The following IL6ST variants were observed in gnomAD, a reference collection of about 807,000 sequenced individuals.
The protein encoded by IL6ST is interleukin-6 receptor subunit beta.
A neutral mutation model predicts 91.3 loss-of-function variants in IL6ST; 24 were observed. The ratio of observed to expected loss-of-function variants is 0.26; its 90% CI spans 0.19 to 0.37. The LOEUF (loss-of-function observed/expected upper bound fraction) is 0.37, where lower values mean the gene tolerates loss of function less well. Ranked by LOEUF, IL6ST falls within the 10% of genes least tolerant of loss-of-function variation. The pLI, the probability that IL6ST is intolerant of heterozygous loss-of-function variation, is 1.00. For synonymous variants in IL6ST, 351 were observed against 373.6 expected, an observed-to-expected ratio of 0.94 and a Z score of 0.70; for missense variants, 914 against 1,078.5, an observed-to-expected ratio of 0.85 and a Z score of 2.14.
intron 8 of IL6ST, among the ~76,000 whole-genome samples, chr5:55,959,850 T>C (rs780864826): frequency 2.6e-5 from 4 of 152,086 alleles, no homozygotes; most frequent in Non-Finnish European, 5.9e-5. Flanking sequence ...CAGTTAACGG[T>C]TTTCTGATAG....
intron 8 of IL6ST, among the ~76,000 whole-genome samples, chr5:55,958,269 T>C (rs1386740077): frequency 6.6e-6 from 1 of 152,156 alleles, no homozygotes; most frequent in African/African-American, 2.4e-5. Context: ...AGCCAAAACA[T>C]AAATTGTTAA....
intron 3 of IL6ST, 177 bp downstream of exon 3, chr5:55,976,038 C>T (rs1468784077): frequency 2.9e-6 from 1 of 343,496 alleles, no homozygotes; most frequent in Non-Finnish European, 5.2e-6. Context: ...TCAAATTATA[C>T]AAAAACAGAT....
chr5:55,967,309 C>CAAAAAAAAAAAAAAAAAAAAAAAAAA lies in IL6ST; in HGVS notation c.491+941_491+966dup, dbSNP rs60547666. ...TAGGTGACAGAGCAAGACTCCATCTCAAAAAAAAAAAAAAAAAAAAAAAAA... is the reference window on the plus strand; with the variant it reads ...TAGGTGACAGAGCAAGACTCCATCTCAAAAAAAAAAAAAAAAAAAAAAAAAAAAAAAAAAAAAAAAAAAAAAAAAAA... On this transcript the variant is annotated intron_variant, in intron 5 of 16. Coordinates refer to ENST00000381298, the MANE Select transcript of IL6ST (RefSeq NM_002184.4). Among the ~76,000 whole-genome samples, 4 of 31,900 alleles carry CAAAAAAAAAAAAAAAAAAAAAAAAAA rather than the reference C, an allele frequency of 1.3e-4. 1 individual carries two copies. The highest frequency in any genetic ancestry group is 1.2e-3 in the Admixed American group (2 of 1,648). 20.9% of individuals were successfully genotyped at this position (31,900 alleles called of 152,430 possible).
At chr5:55,953,048 G>A (rs1751739219) in intron 11 of IL6ST, among the ~76,000 whole-genome samples, 1 of 152,034 alleles carries the variant, frequency 6.6e-6, no homozygotes, top group Non-Finnish European at 1.5e-5. Flanking sequence ...GCGACAGAGT[G>A]AGACTCTGTC....
Position 55,969,542 on chromosome 5 carries a change from A to G in IL6ST, c.370+8T>C, listed in dbSNP as rs148140152. On this transcript the variant is annotated splice_region_variant and intron_variant, in intron 4 of 16. Coordinates refer to ENST00000381298, the MANE Select transcript of IL6ST (RefSeq NM_002184.4). Reference sequence around the variant, plus strand: ...CAAAGTCTGAAATAAGACAAAAACAAAACTTACAGCCTGAAATTATTGTGA... The same window carrying G: ...CAAAGTCTGAAATAAGACAAAAACAGAACTTACAGCCTGAAATTATTGTGA... The G allele has an allele frequency of 1.2e-5, 19 of 1,595,370 alleles. No individual in the cohort carries two copies. The highest frequency in any genetic ancestry group is 1.7e-4 in the Middle Eastern group (1 of 5,970).
Position 55,952,061 on chromosome 5 carries a change from G to A in IL6ST, c.1567C>T (p.Pro523Ser). 6.2e-7 allele frequency: 1 copy of A among 1,613,128 alleles called. No individual in the cohort carries two copies. Among genetic ancestry groups the A allele is most frequent in the Non-Finnish European group, 8.5e-7 (1 of 1,179,724 alleles). Reference protein sequence around the residue: ...YLKQAPPSKGPTVRTKKVGKN... With the variant: ...YLKQAPPSKGSTVRTKKVGKN... Reference sequence around the variant, plus strand: ...CCTACTTTTTTTGTCCGAACAGTAGGTCCTTTGGAAGGTGCTGTAACAGAG... The same window carrying A: ...CCTACTTTTTTTGTCCGAACAGTAGATCCTTTGGAAGGTGCTGTAACAGAG... The change falls in exon 13 of 17, where the codon CCT (proline) becomes TCT (serine). Residue 523 changes from proline to serine, a missense_variant. By Grantham distance (74) the Pro-to-Ser change is moderately conservative. Coordinates refer to ENST00000381298, the MANE Select transcript of IL6ST (RefSeq NM_002184.4).
At chr5:55,942,638 A>G (rs374440156) in intron 16 of IL6ST, 32 bp downstream of exon 16, 4 of 1,201,578 alleles carry the variant, frequency 3.3e-6, no homozygotes, top group Non-Finnish European at 3.7e-6. Flanking sequence ...ATGTCTGTAT[A>G]TTATAAACAA....
chr5:55,990,614 CTTTCT>C (rs1754266079), intron 1 of IL6ST, among the ~76,000 whole-genome samples: 1 of 152,148 alleles, frequency 6.6e-6, no homozygotes, highest in African/African-American at 2.4e-5. Context: ...TGGCTTGGAT[CTTTCT>C]TTTAATTCCA....
At position 55,941,075 on chromosome 5, in the gene IL6ST, T is replaced by G. The variant is rs1246231024; in HGVS notation, c.*7A>C. 1 of 1,600,738 alleles carries G rather than the reference T, an allele frequency of 6.2e-7. No individual in the cohort carries two copies. The highest frequency in any genetic ancestry group is 8.5e-7 in the Non-Finnish European group (1 of 1,173,090). The stretch of plus-strand genomic sequence containing the variant: ...CTGCTGAAGTTGTAGCAGGAACTAC[T>G]AGTCCTTCACTGAGGCATGTAGCCG... On this transcript the variant is annotated 3_prime_UTR_variant, in exon 17 of 17. Coordinates refer to ENST00000381298, the MANE Select transcript of IL6ST (RefSeq NM_002184.4).
At position 55,935,239 on chromosome 5, in the gene IL6ST, T is replaced by TA. The variant is rs34173207; in HGVS notation, c.*5842dup. 7 of 182,942 alleles carry TA rather than the reference T, an allele frequency of 3.8e-5. No homozygotes were observed. Among genetic ancestry groups the TA allele is most frequent in the East Asian group, 8.9e-5 (1 of 11,210 alleles). 11.3% of individuals were successfully genotyped at this position (182,942 alleles called of 1,614,324 possible). ...ATTTAAGTGAGGGGATAATTCTCACTAAAAAAAGCTCAAAAATAAGAAATG... is the reference window on the plus strand; with the variant it reads ...ATTTAAGTGAGGGGATAATTCTCACTAAAAAAAAGCTCAAAAATAAGAAATG... On this transcript the variant is annotated 3_prime_UTR_variant, in exon 17 of 17. Coordinates refer to ENST00000381298, the MANE Select transcript of IL6ST (RefSeq NM_002184.4).
intron 1 of IL6ST, among the ~76,000 whole-genome samples, chr5:55,992,042 C>T (rs752693168): frequency 2.6e-5 from 4 of 152,220 alleles, no homozygotes; most frequent in Admixed American, 6.5e-5. Flanking sequence ...TGTGCTTCTA[C>T]ATATATTATT....
In IL6ST at chr5:55,938,849, CAT is replaced by C. The variant is rs1265930330; in HGVS notation, c.*2231_*2232del. On this transcript the variant is annotated 3_prime_UTR_variant, in exon 17 of 17. Coordinates refer to ENST00000381298, the MANE Select transcript of IL6ST (RefSeq NM_002184.4). ...CCAGAATGAATTTTTGCACAGTAAT[CAT>C]ATATCCATTTAATATGTATAAAGTG... 5.0e-6 allele frequency: 1 copy of C among 201,594 alleles called. No individual in the cohort carries two copies. Among genetic ancestry groups the C allele is most frequent in the African/African-American group, 2.3e-5 (1 of 43,532 alleles). The allele number at this position is 201,594 out of a possible 1,614,324, so 12.5% of individuals were successfully genotyped here. A position where few individuals can be genotyped will look rare whatever the true frequency, so the allele number is the denominator to read the frequency against.
At chr5:55,973,026 A>AG in intron 3 of IL6ST, among the ~76,000 whole-genome samples, 1 of 151,900 alleles carries the variant, frequency 6.6e-6, no homozygotes, top group South Asian at 2.1e-4. Context: ...AAAAAAGCAA[A>AG]AAAAAAAAGA....
chr5:55,990,390 T>C (rs1754247375), intron 1 of IL6ST, among the ~76,000 whole-genome samples: 1 of 152,264 alleles, frequency 6.6e-6, no homozygotes, highest in Non-Finnish European at 1.5e-5. Context: ...ATTTCTCCTA[T>C]ATCCTGGTTT....
chr5:55,966,593 CTA>C (rs958082063), intron 5 of IL6ST, among the ~76,000 whole-genome samples: 6 of 152,064 alleles, frequency 3.9e-5, no homozygotes, highest in African/African-American at 1.4e-4. Context: ...CTGTAACTCA[CTA>C]TGAAATACTG....
At chr5:55,965,418 T>C (rs539387463) in intron 5 of IL6ST, among the ~76,000 whole-genome samples, 148 of 152,346 alleles carry the variant, frequency 9.7e-4, no homozygotes, top group Middle Eastern at 3.4e-3. Flanking sequence ...AATATCAGTA[T>C]GAATTTGTAT....
chr5:55,952,947 G>A (rs1276278691), intron 11 of IL6ST, among the ~76,000 whole-genome samples: 1 of 152,124 alleles, frequency 6.6e-6, no homozygotes, highest in African/African-American at 2.4e-5. Flanking sequence ...TGTAGTCCCA[G>A]ATGCTTGGGA....
intron 5 of IL6ST, among the ~76,000 whole-genome samples, chr5:55,965,998 G>T (rs1197995533): frequency 6.6e-6 from 1 of 152,044 alleles, no homozygotes; most frequent in Non-Finnish European, 1.5e-5. Context: ...TTATAAAACT[G>T]GTAATTAAGG....
intron 13 of IL6ST, 130 bp downstream of exon 13, chr5:55,951,799 T>C: frequency 6.6e-6 from 5 of 759,592 alleles, no homozygotes; most frequent in Non-Finnish European, 1.0e-5. Flanking sequence ...AAAGTAACCA[T>C]AAGGCAAATT....
Sources: allele counts gnomAD v4.1 joint callset (sites outside exome capture counted in the v4.1 genomes callset), GRCh38; gene constraint gnomAD v4.1.1; transcripts MANE v1.5; gene names NCBI Gene and HGNC (gene_info 2026-07-23, HGNC 2026-07-21).